GLIS3: variants seen among roughly 807,000 people sequenced by gnomAD.
GLIS3 encodes the protein zinc finger protein GLIS3.
Under a neutral mutation model 78.6 loss-of-function variants are expected in GLIS3, and 53 were observed. The ratio of observed to expected loss-of-function variants is 0.67; its 90% CI spans 0.54 to 0.85. GLIS3 has a LOEUF of 0.85. Among genes scored for constraint, GLIS3 ranks in the 40% least tolerant of loss-of-function variants. The pLI is 0.00. For synonymous variants in GLIS3, 684 were observed against 509.9 expected, an observed-to-expected ratio of 1.34 and a Z score of -4.60; for missense variants, 1,703 against 1,231.1, an observed-to-expected ratio of 1.38 and a Z score of -5.74.
chr9:4,051,989 A>G (rs1825780699), intron 4 of GLIS3, among the ~76,000 whole-genome samples: 1 of 152,240 alleles, frequency 6.6e-6, no homozygotes, highest in African/African-American at 2.4e-5. Context: ...GTAGAACACA[A>G]TTACAGATTA....
intron 1 of GLIS3, among the ~76,000 whole-genome samples, chr9:4,289,124 G>A (rs1828242036): frequency 6.6e-6 from 1 of 152,060 alleles, no homozygotes; most frequent in South Asian, 2.1e-4. Flanking sequence ...GAATGAAATG[G>A]CACTCAAAAA....
At chr9:4,187,982 C>T (rs1233336126) in intron 2 of GLIS3, among the ~76,000 whole-genome samples, 19 of 152,042 alleles carry the variant, frequency 1.2e-4, no homozygotes, top group Admixed American at 1.2e-3. Flanking sequence ...ACTGAATACC[C>T]TTTATTTCCT....
At chr9:4,177,891 T>A (rs140172690) in intron 2 of GLIS3, among the ~76,000 whole-genome samples, 271 of 152,318 alleles carry the variant, frequency 1.8e-3, no homozygotes, top group Non-Finnish European at 3.2e-3. Context: ...CAACCATTAT[T>A]CAGAATTCAC....
In GLIS3 at chr9:3,879,451, G is replaced by C. The variant is rs1369949007; in HGVS notation, c.2273C>G (p.Thr758Arg). ...CCTCTCAGCTCCTGCGTCCACAGCT[G>C]TGAGTGGAGGTAACTGGGAGGAGGG... ...HNPSSQLPPL[T>R]AVDAGAERFA... The change falls in exon 8 of 11, where the codon ACA becomes AGA. Residue 758 changes from threonine to arginine, a missense_variant. By Grantham distance (71) the Thr-to-Arg change is moderately conservative (BLOSUM62 -1). Transcript: ENST00000381971. 1.2e-6 allele frequency: 2 copies of C among 1,614,020 alleles called. No individual in the cohort carries two copies. The highest frequency in any genetic ancestry group is 1.7e-6 in the Non-Finnish European group (2 of 1,180,018).
intron 4 of GLIS3, among the ~76,000 whole-genome samples, chr9:4,076,612 T>C (rs1187534148): frequency 6.6e-6 from 1 of 152,180 alleles, no homozygotes; most frequent in Non-Finnish European, 1.5e-5. Context: ...CCACCAACCA[T>C]ATGTTGGATA....
chr9:4,000,261 T>C lies in GLIS3; in HGVS notation c.1711-63072A>G, dbSNP rs376981262. On this transcript the variant is annotated intron_variant, in intron 4 of 10. Transcript: ENST00000381971. Reference sequence around the variant, plus strand: ...ATATATTTAGTAGGATCCTATTATATACACTTCAAAAGCAGGCAAAACCAA... The same window carrying C: ...ATATATTTAGTAGGATCCTATTATACACACTTCAAAAGCAGGCAAAACCAA... 3.2e-4 allele frequency among the ~76,000 whole-genome samples: 48 copies of C among 152,318 alleles called. 1 individual carries two copies. The highest frequency in any genetic ancestry group is 2.3e-3 in the East Asian group (12 of 5,188).
intron 3 of GLIS3, among the ~76,000 whole-genome samples, chr9:4,123,439 T>A (rs191366281): frequency 6.6e-6 from 1 of 152,254 alleles, no homozygotes; most frequent in East Asian, 1.9e-4. Flanking sequence ...TAATCAGAAT[T>A]GTGCAACAAA....
intron 4 of GLIS3, among the ~76,000 whole-genome samples, chr9:3,945,988 C>G (rs1346913648): frequency 6.6e-6 from 1 of 152,150 alleles, no homozygotes; most frequent in Non-Finnish European, 1.5e-5. Context: ...AGCTGCATTC[C>G]CTAATTAAGC....
chr9:4,237,351 T>C (rs1587091886), intron 2 of GLIS3, among the ~76,000 whole-genome samples: 1 of 152,108 alleles, frequency 6.6e-6, no homozygotes, highest in Admixed American at 6.5e-5. Flanking sequence ...TAACCACTCA[T>C]GGCAACTTTA....
chr9:4,042,899 C>G (rs887424232), intron 4 of GLIS3, among the ~76,000 whole-genome samples: 2 of 148,282 alleles, frequency 1.3e-5, no homozygotes, highest in African/African-American at 5.0e-5. Flanking sequence ...TTATTATGAG[C>G]AGAATGCAGC....
At chr9:3,920,741 G>A (rs1824831922) in intron 6 of GLIS3, among the ~76,000 whole-genome samples, 1 of 151,880 alleles carries the variant, frequency 6.6e-6, no homozygotes, top group African/African-American at 2.4e-5. Context: ...AAATGTCAAG[G>A]ATGTCCTTTG....
intron 4 of GLIS3, among the ~76,000 whole-genome samples, chr9:3,970,620 A>T (rs1038169911): frequency 6.6e-6 from 1 of 152,194 alleles, no homozygotes; most frequent in African/African-American, 2.4e-5. Flanking sequence ...TCTGGCTGAA[A>T]ATATTAGTAA....
chr9:4,395,641 C>G, the GLIS3 span, among the ~76,000 whole-genome samples: 1 of 152,204 alleles, frequency 6.6e-6, no homozygotes, highest in African/African-American at 2.4e-5. Flanking sequence ...ATATCTCCAG[C>G]CTTTGCCAAG....
chr9:4,165,345 G>C (rs1338664370), intron 2 of GLIS3, among the ~76,000 whole-genome samples: 52 of 152,190 alleles, frequency 3.4e-4, no homozygotes, highest in Admixed American at 3.4e-3. Context: ...GGAGGCTGAG[G>C]CAGGAGAACC....
chr9:4,404,286 A>G, the GLIS3 span, among the ~76,000 whole-genome samples: 1 of 152,192 alleles, frequency 6.6e-6, no homozygotes, highest in Non-Finnish European at 1.5e-5. Context: ...AGACTTCAAC[A>G]CCCCACTTTC....
At chr9:3,882,157 T>C (rs890253193) in intron 7 of GLIS3, among the ~76,000 whole-genome samples, 10 of 152,198 alleles carry the variant, frequency 6.6e-5, no homozygotes, top group Admixed American at 6.5e-5. Context: ...ACATCCTCGG[T>C]GCCTGGTATC....
chr9:3,967,025 A>G (rs952126081), intron 4 of GLIS3, among the ~76,000 whole-genome samples: 3 of 144,980 alleles, frequency 2.1e-5, no homozygotes, highest in Admixed American at 1.4e-4. Context: ...AAAAAAAAAA[A>G]AAAAAAAACA....
intron 7 of GLIS3, among the ~76,000 whole-genome samples, chr9:3,895,782 A>C (rs1266651018): frequency 2.0e-5 from 3 of 152,222 alleles, no homozygotes; most frequent in African/African-American, 7.2e-5. Flanking sequence ...TTTCCATTGC[A>C]AAACTATGAC....
intron 4 of GLIS3, among the ~76,000 whole-genome samples, chr9:4,059,843 A>T (rs1214427015): frequency 6.0e-4 from 65 of 108,044 alleles, no homozygotes; most frequent in African/African-American, 1.1e-3. Flanking sequence ...AGAGAGAGAG[A>T]GAGAGAGAGA....
Sources: gnomAD v4.1 joint callset for allele counts (sites outside exome capture counted in the v4.1 genomes callset) on GRCh38, gnomAD v4.1.1 for gene constraint, MANE v1.5 for transcripts, NCBI Gene and HGNC (gene_info 2026-07-23, HGNC 2026-07-21) for gene names.